HTRA1: variants seen among roughly 807,000 people sequenced by gnomAD.
The protein encoded by HTRA1 is HtrA serine peptidase 1, also known as serine protease HTRA1.
Under a neutral mutation model 49.7 loss-of-function variants are expected in HTRA1, and 26 were observed. The ratio of observed to expected loss-of-function variants is 0.52; its 90% confidence interval spans 0.38 to 0.73. The LOEUF (loss-of-function observed/expected upper bound fraction) is 0.73, where lower values mean the gene tolerates loss of function less well. HTRA1 is among the 30% of genes least tolerant of loss of function. The pLI, the probability that HTRA1 is intolerant of heterozygous loss-of-function variation, is 0.00. For synonymous variants in HTRA1, 291 were observed against 286.9 expected (o/e 1.01, Z -0.14); for missense variants, 561 against 667.2 (o/e 0.84, Z 1.75).
chr10:122,472,768 A>G (rs2097486724), intron 1 of HTRA1, among the ~76,000 whole-genome samples: 1 of 152,144 alleles, frequency 6.6e-6, no homozygotes, highest in South Asian at 2.1e-4. Flanking sequence ...CATTTGGGCC[A>G]AGGTTGCAAT....
At chr10:122,478,327 C>G (rs1308879787) in intron 1 of HTRA1, among the ~76,000 whole-genome samples, 1 of 151,932 alleles carries the variant, frequency 6.6e-6, no homozygotes, top group Non-Finnish European at 1.5e-5. Flanking sequence ...GGGTACCTTG[C>G]CTCCCTGCAG....
At chr10:122,509,003 AG>A (rs1461770899) in intron 6 of HTRA1, among the ~76,000 whole-genome samples, 1 of 152,244 alleles carries the variant, frequency 6.6e-6, no homozygotes, top group African/African-American at 2.4e-5. Flanking sequence ...AATATGTACC[AG>A]GCATGATCCT....
rs140919995 is a variant in HTRA1 at position 122,513,192 on chromosome 10, G to T, written c.1275-999G>T. Among the ~76,000 whole-genome samples the T allele has an allele frequency of 1.7e-4, 26 of 152,272 alleles. No individual in the cohort carries two copies. The East Asian group carries it at 5.0e-3, about 29-fold the overall frequency. ...CTAGCCCATGAAGGACCATGACAGCGTTTTGACGCTGAGCTATATAAGAGC... is the reference window on the plus strand; with the variant it reads ...CTAGCCCATGAAGGACCATGACAGCTTTTTGACGCTGAGCTATATAAGAGC... On this transcript the variant is annotated intron_variant, in intron 8 of 8. Transcript: ENST00000368984.
rs563273679 is a variant in HTRA1, at chr10:122,510,170, C to T, written c.1178+17C>T. ...CACGTCCAGGTGGGTAAACAGGATG[C>T]GTGTCTGTGTCTTAAATTTTAATAA... On this transcript the variant is annotated intron_variant, in intron 7 of 8. Transcript: ENST00000368984. 1.4e-5 allele frequency: 23 copies of T among 1,605,638 alleles called. No individual in the cohort carries two copies. The highest frequency in any genetic ancestry group is 9.9e-5 in the South Asian group (9 of 90,898).
intron 1 of HTRA1, among the ~76,000 whole-genome samples, chr10:122,478,683 G>A (rs1188481492): frequency 1.4e-5 from 2 of 147,652 alleles, no homozygotes; most frequent in East Asian, 2.0e-4. Flanking sequence ...TGAGCCACTC[G>A]CCCGGCTGAG....
chr10:122,478,541 T>C (rs4547034), intron 1 of HTRA1, among the ~76,000 whole-genome samples: 79,169 of 151,458 alleles, frequency 0.52, 22,201 homozygotes, highest in African/African-American at 0.73. Flanking sequence ...TACAGGCGCC[T>C]GCCACCACGC....
At chr10:122,505,126 C>T (rs764350198) in intron 3 of HTRA1, among the ~76,000 whole-genome samples, 6 of 152,288 alleles carry the variant, frequency 3.9e-5, no homozygotes, top group Middle Eastern at 3.4e-3. Context: ...CACAGTGGAC[C>T]ATTGAGGTAG....
intron 1 of HTRA1, 124 bp from the exon 2 acceptor site, chr10:122,488,778 C>T (rs1426893422): frequency 3.9e-5 from 32 of 825,788 alleles, no homozygotes; most frequent in Non-Finnish European, 6.6e-5. Context: ...GGGGGAATTG[C>T]GCTCACTCCG....
intron 5 of HTRA1, 117 bp from the exon 6 acceptor site, chr10:122,508,539 C>G: frequency 2.5e-6 from 2 of 794,860 alleles, no homozygotes; most frequent in East Asian, 2.5e-5. Context: ...CTCCTTGCAT[C>G]TCCCCACTTC....
chr10:122,464,179 G>A lies in HTRA1; in HGVS notation c.472+2055G>A, dbSNP rs553333251. Among the ~76,000 whole-genome samples, 3 of 152,304 alleles carry A rather than the reference G, an allele frequency of 2.0e-5. No homozygotes were observed. The highest frequency in any genetic ancestry group is 1.3e-4 in the Admixed American group (2 of 15,296). ...AAACAAGCCAGCTGTTACTGGTCTCGCTGTTTGTGGTCTCATCGCACGGGG... is the reference window on the plus strand; with the variant it reads ...AAACAAGCCAGCTGTTACTGGTCTCACTGTTTGTGGTCTCATCGCACGGGG... On this transcript the variant is annotated intron_variant, in intron 1 of 8. Transcript: ENST00000368984. The surrounding 1 kb of genome is among the most constrained non-coding windows in gnomAD (Gnocchi z 4.8).
At chr10:122,514,090 C>G in intron 8 of HTRA1, 101 bp from the exon 9 acceptor site, 1 of 1,199,564 alleles carries the variant, frequency 8.3e-7, no homozygotes, top group Non-Finnish European at 1.2e-6. Flanking sequence ...CCTGTTTGCT[C>G]TGGGCTTTTA....
chr10:122,462,055 G>T lies in HTRA1; in HGVS notation c.403G>T (p.Ala135Ser), dbSNP rs2097481658. The change falls in exon 1 of 9, where the codon GCC (alanine) becomes TCC (serine). Residue 135 changes from alanine (A) to serine (S), a missense_variant. Ala to Ser is a moderately conservative substitution (Grantham distance 99, BLOSUM62 1). Coordinates refer to ENST00000368984, the MANE Select transcript of HTRA1 (RefSeq NM_002775.5). The part of the protein sequence containing the change: ...TYANLCQLRA[A>S]SRRSERLHRP... ...CGCCAACCTGTGCCAGCTGCGCGCC[G>T]CCAGCCGCCGCTCCGAGAGGCTGCA... The T allele has an allele frequency of 2.0e-6, 3 of 1,533,254 alleles. No individual in the cohort carries two copies. The African/African-American group carries it at 4.1e-5, about 21-fold the overall frequency. The allele number at this position is 1,533,254 out of a possible 1,614,324, so 95.0% of individuals were successfully genotyped here.
At chr10:122,493,917 CT>C (rs144810206) in intron 3 of HTRA1, among the ~76,000 whole-genome samples, 2,064 of 151,664 alleles carry the variant, frequency 0.014, 46 homozygotes, top group African/African-American at 0.048. Flanking sequence ...CAGGCCAGGG[CT>C]GTCCCCTGGG....
intron 1 of HTRA1, among the ~76,000 whole-genome samples, chr10:122,467,628 AG>A (rs1490346923): frequency 6.6e-6 from 1 of 152,150 alleles, no homozygotes; most frequent in Non-Finnish European, 1.5e-5. Flanking sequence ...GGGAGACCAC[AG>A]GGGTGACATG....
intron 1 of HTRA1, among the ~76,000 whole-genome samples, chr10:122,462,830 C>T (rs550129334): frequency 6.6e-6 from 1 of 152,304 alleles, no homozygotes; most frequent in African/African-American, 2.4e-5. Context: ...TCTGCAGAGG[C>T]GGAGAAGGGA....
At chr10:122,498,761 C>A (rs1013535382) in intron 3 of HTRA1, among the ~76,000 whole-genome samples, 1 of 152,222 alleles carries the variant, frequency 6.6e-6, no homozygotes, top group Non-Finnish European at 1.5e-5. Context: ...AGGCCCTGTG[C>A]CCTGAGCTCG....
Position 122,506,630 on chromosome 10 carries a change from G to A in HTRA1, c.778-61G>A. On this transcript the variant is annotated intron_variant, in intron 3 of 8. Transcript: ENST00000368984. This position sits in a 1 kb window ranked among gnomAD's most constrained non-coding sequence, Gnocchi z 5.2. The stretch of plus-strand genomic sequence containing the variant: ...CCCTGCTTGGTTTTCCATGATATCT[G>A]TGCCTTTACCTATTTGGTTAAATTA... 1.4e-6 allele frequency: 2 copies of A among 1,442,076 alleles called. No homozygotes were observed. The highest frequency in any genetic ancestry group is 3.5e-4 in the Middle Eastern group (2 of 5,782). The allele number at this position is 1,442,076 out of a possible 1,614,324, so 89.3% of individuals were successfully genotyped here.
intron 3 of HTRA1, among the ~76,000 whole-genome samples, chr10:122,501,423 A>G (rs1421332506): frequency 6.6e-6 from 1 of 152,204 alleles, no homozygotes; most frequent in Admixed American, 6.5e-5. Flanking sequence ...GGGAGTATGG[A>G]CTTGTAGAGT....
intron 1 of HTRA1, among the ~76,000 whole-genome samples, chr10:122,479,895 G>T (rs576505930): frequency 6.6e-6 from 1 of 152,154 alleles, no homozygotes; most frequent in Non-Finnish European, 1.5e-5. Context: ...CTGAATTAGC[G>T]TAGAGTGGGA....
Sources: gnomAD v4.1 joint callset for allele counts (sites outside exome capture counted in the v4.1 genomes callset) on GRCh38, gnomAD v4.1.1 for gene constraint, Gnocchi (gnomAD v3.1) non-coding constraint, MANE v1.5 for transcripts, NCBI Gene and HGNC (gene_info 2026-07-23, HGNC 2026-07-21) for gene names.